The following SLC13A3 variants were observed in gnomAD, a reference collection of about 807,000 sequenced individuals.
The protein encoded by SLC13A3 is solute carrier family 13 member 3.
Under a neutral mutation model 59.0 loss-of-function variants are expected in SLC13A3, and 40 were observed. The observed-to-expected ratio is 0.68, with a 90% CI of 0.53 to 0.88. SLC13A3 has a LOEUF of 0.88. Among genes scored for constraint, SLC13A3 ranks in the 40% least tolerant of loss-of-function variants. The pLI, the probability that SLC13A3 is intolerant of heterozygous loss-of-function variation, is 0.00. For missense variants in SLC13A3, 699 were observed against 783.2 expected (o/e 0.89, Z 1.28); for synonymous variants, 317 against 330.3 (o/e 0.96, Z 0.44).
rs751123456 is a variant in SLC13A3 at position 46,560,028 on chromosome 20, G to T, written c.1803C>A (p.Thr601=). ...PPTLANDTFR[T]L ...GGGAGTCCTCCAGGGGGACTCAGAG[G>T]GTCCGAAATGTGTCATTGGCCAAGG... The change falls in exon 13 of 13, where the codon ACC becomes ACA. Residue 601 remains threonine, a synonymous_variant. Transcript: ENST00000279027. The T allele has an allele frequency of 6.2e-7, 1 of 1,613,932 alleles. No homozygotes were observed. The highest frequency in any genetic ancestry group is 1.1e-5 in the South Asian group (1 of 91,054).
intron 9 of SLC13A3, among the ~76,000 whole-genome samples, chr20:46,580,474 T>C (rs1371566187): frequency 3.4e-5 from 5 of 148,232 alleles, no homozygotes; most frequent in African/African-American, 9.8e-5. Context: ...ATAAAATAGA[T>C]TATATATTTA....
At chr20:46,652,404 T>C (rs539045591), upstream of SLC13A3, among the ~76,000 whole-genome samples, 33 of 152,286 alleles carry the variant, frequency 2.2e-4, no homozygotes, top group African/African-American at 7.9e-4. Flanking sequence ...TTTTCTTTTT[T>C]TTGAGATGTA....
chr20:46,563,628 G>GAGAGAGAC, intron 11 of SLC13A3, 77 bp from the exon 12 acceptor site: 1 of 1,488,118 alleles, frequency 6.7e-7, no homozygotes, highest in Non-Finnish European at 9.1e-7. Context: ...GAGAGAGAGA[G>GAGAGAGAC]AGAGGCAGTT....
chr20:46,634,526 G>A (rs1022448211), intron 1 of SLC13A3, among the ~76,000 whole-genome samples: 2 of 147,246 alleles, frequency 1.4e-5, no homozygotes, highest in Admixed American at 1.3e-4. Context: ...CCTGAGCCCC[G>A]CCCCCAACCC....
intron 1 of SLC13A3, among the ~76,000 whole-genome samples, chr20:46,618,158 T>C (rs1187879248): frequency 2.7e-5 from 4 of 150,676 alleles, no homozygotes; most frequent in African/African-American, 1.0e-4. Flanking sequence ...ACACCGCTAC[T>C]TGGCATTCAA....
rs138382453 is a variant in SLC13A3, at chr20:46,560,147, C to A, written c.1684G>T (p.Ala562Ser). The stretch of plus-strand genomic sequence containing the variant: ...ATGGTCTGTGCCCAGGTATTCATAG[C>A]CAAACTGAGCAGCAGGACACCCATC... ...NLMGVLLLSL[A>S]MNTWAQTIFQ... is the part of the protein sequence containing the mutation. The change falls in exon 13 of 13, where the codon GCT becomes TCT. Residue 562 changes from alanine to serine, a missense_variant. By Grantham distance (99) the Ala-to-Ser change is moderately conservative. Coordinates refer to ENST00000279027, the MANE Select transcript of SLC13A3 (RefSeq NM_022829.6). The A allele has an allele frequency of 2.5e-6, 4 of 1,614,004 alleles. No homozygotes were observed. The highest frequency in any genetic ancestry group is 1.3e-5 in the African/African-American group (1 of 74,902).
In SLC13A3 at chr20:46,676,798, T is replaced by C. The variant is rs150370413; in HGVS notation, c.-31+7598A>G. 3.9e-3 allele frequency among the ~76,000 whole-genome samples: 590 copies of C among 152,100 alleles called. 7 individuals carry two copies. The highest frequency in any genetic ancestry group is 0.013 in the African/African-American group (559 of 41,460). ...GAATTCCTGGGCTGCGTGGAAACAGTGGGGACGACGGCAGAAGTGGGGAGA... is the reference window on the plus strand; with the variant it reads ...GAATTCCTGGGCTGCGTGGAAACAGCGGGGACGACGGCAGAAGTGGGGAGA... On this transcript the variant is annotated intron_variant, in intron 1 of 6. Transcript: ENST00000372121.
intron 3 of SLC13A3, among the ~76,000 whole-genome samples, chr20:46,601,256 G>A (rs559047916): frequency 9.2e-5 from 14 of 152,320 alleles, no homozygotes; most frequent in Middle Eastern, 3.4e-3. Flanking sequence ...GAGAATGGAC[G>A]TAGGGAAAGG....
chr20:46,624,405 C>T (rs1434547453), intron 1 of SLC13A3, among the ~76,000 whole-genome samples: 1 of 152,232 alleles, frequency 6.6e-6, no homozygotes, highest in Non-Finnish European at 1.5e-5. Flanking sequence ...GCAGGAGGTT[C>T]CATGATTATC....
intron 3 of SLC13A3, among the ~76,000 whole-genome samples, chr20:46,606,175 C>T (rs1037942007): frequency 1.3e-5 from 2 of 152,134 alleles, no homozygotes; most frequent in Non-Finnish European, 2.9e-5. Flanking sequence ...AGATTATAAA[C>T]CAGGAAGCAA....
chr20:46,587,185 C>T (rs181849495), intron 8 of SLC13A3, among the ~76,000 whole-genome samples: 1 of 152,272 alleles, frequency 6.6e-6, no homozygotes, highest in East Asian at 1.9e-4. Context: ...ATATAGCTAA[C>T]AACTATTGAG....
intron 1 of SLC13A3, among the ~76,000 whole-genome samples, chr20:46,634,143 A>G (rs3091556): frequency 0.61 from 92,212 of 152,026 alleles, 28,034 homozygotes; most frequent in East Asian, 0.75. Flanking sequence ...TTGTGTCTTC[A>G]GCTCTTCCCA....
At chr20:46,605,205 T>C (rs974939572) in intron 3 of SLC13A3, among the ~76,000 whole-genome samples, 2 of 152,184 alleles carry the variant, frequency 1.3e-5, no homozygotes, top group Admixed American at 1.3e-4. Flanking sequence ...GCTTTTTCCT[T>C]ATGGAGATTA....
intron 1 of SLC13A3, among the ~76,000 whole-genome samples, chr20:46,641,487 G>A (rs757329921): frequency 6.6e-6 from 1 of 152,138 alleles, no homozygotes; most frequent in South Asian, 2.1e-4. Context: ...TGATTTGTGG[G>A]ATGAAGAGGG....
At chr20:46,625,866 T>C (rs1195362112) in intron 1 of SLC13A3, among the ~76,000 whole-genome samples, 2 of 152,214 alleles carry the variant, frequency 1.3e-5, no homozygotes, top group East Asian at 3.8e-4. Flanking sequence ...TGAGTAGTAT[T>C]CCATTCTGTG....
At chr20:46,636,891 C>T (rs770492975) in intron 1 of SLC13A3, among the ~76,000 whole-genome samples, 1 of 151,978 alleles carries the variant, frequency 6.6e-6, no homozygotes, top group Non-Finnish European at 1.5e-5. Context: ...GCCTCCGCCT[C>T]CTGGGTTCCA....
At chr20:46,644,614 C>T (rs1041898492) in intron 1 of SLC13A3, among the ~76,000 whole-genome samples, 3 of 152,204 alleles carry the variant, frequency 2.0e-5, no homozygotes, top group Non-Finnish European at 4.4e-5. Flanking sequence ...TTCCATTTTT[C>T]AGCTGGGGAA....
At chr20:46,598,000 T>C (rs1487025024) in intron 4 of SLC13A3, among the ~76,000 whole-genome samples, 2 of 152,192 alleles carry the variant, frequency 1.3e-5, no homozygotes, top group Non-Finnish European at 2.9e-5. Context: ...ATATCTTAAA[T>C]ATATATAATT....
At chr20:46,676,707 C>T (rs899490487) in intron 1 of SLC13A3, among the ~76,000 whole-genome samples, 240 of 152,076 alleles carry the variant, frequency 1.6e-3, no homozygotes, top group Non-Finnish European at 2.5e-3. Flanking sequence ...CCGCCTCAGC[C>T]TCCCCAGTCG....
Sources: gnomAD v4.1 joint callset for allele counts (sites outside exome capture counted in the v4.1 genomes callset) on GRCh38, gnomAD v4.1.1 for gene constraint, MANE v1.5 for transcripts, NCBI Gene and HGNC (gene_info 2026-07-23, HGNC 2026-07-21) for gene names.